ACYP2: variants seen among roughly 807,000 people sequenced by gnomAD.
ACYP2 encodes acylphosphatase 2.
A neutral mutation model predicts 11.2 loss-of-function variants in ACYP2; 12 were observed. The ratio of observed to expected loss-of-function variants is 1.08; its 90% confidence interval spans 0.69 to 1.74. The LOEUF is 1.74. Ranked by LOEUF, ACYP2 falls within the 40% of genes most tolerant of loss-of-function variation. ACYP2 has a pLI of 0.00. For synonymous variants in ACYP2, 43 were observed against 32.2 expected (o/e 1.33, Z -1.13); for missense variants, 134 against 101.9 (o/e 1.31, Z -1.35).
At chr2:54,253,781 C>T (rs1238319018) in intron 6 of ACYP2, 1 of 152,162 alleles carries the variant, frequency 6.6e-6, no homozygotes, top group Non-Finnish European at 1.5e-5. Context: ...CCTTTAAACC[C>T]TCTAGGAATT....
chr2:54,001,671 A>G (rs961940462), intron 2 of ACYP2, among the ~76,000 whole-genome samples: 12 of 152,134 alleles, frequency 7.9e-5, no homozygotes, highest in African/African-American at 2.9e-4. Flanking sequence ...TGGGATTACA[A>G]GAGTGAGCCA....
chr2:54,025,992 C>A (rs1319461838), intron 2 of ACYP2, among the ~76,000 whole-genome samples: 1 of 152,186 alleles, frequency 6.6e-6, no homozygotes, highest in African/African-American at 2.4e-5. Context: ...TGGCAGGCGC[C>A]TGTAGTCCCA....
At chr2:54,089,911 C>A (rs146160116) in intron 4 of ACYP2, among the ~76,000 whole-genome samples, 1 of 151,660 alleles carries the variant, frequency 6.6e-6, no homozygotes, top group Admixed American at 6.6e-5. Context: ...TTTGGGAGGC[C>A]GAGGCAGGCA....
chr2:54,152,333 G>T (rs1002319353), intron 6 of ACYP2, among the ~76,000 whole-genome samples: 3 of 151,564 alleles, frequency 2.0e-5, no homozygotes, highest in Non-Finnish European at 4.4e-5. Flanking sequence ...TATGTTTCCC[G>T]GGCTGGTCTC....
intron 2 of ACYP2, among the ~76,000 whole-genome samples, chr2:54,046,961 T>C (rs1675560569): frequency 6.6e-6 from 1 of 152,164 alleles, no homozygotes; most frequent in Non-Finnish European, 1.5e-5. Context: ...ATCAGTAAAA[T>C]AGGGACCATG....
At chr2:54,033,712 G>A (rs1446289814) in intron 2 of ACYP2, among the ~76,000 whole-genome samples, 1 of 152,260 alleles carries the variant, frequency 6.6e-6, no homozygotes, top group Admixed American at 6.5e-5. Flanking sequence ...TGGCTGTAAT[G>A]TGGAGAACAG....
chr2:54,052,507 G>A (rs1489951910), intron 3 of ACYP2, among the ~76,000 whole-genome samples: 1 of 152,116 alleles, frequency 6.6e-6, no homozygotes, highest in Non-Finnish European at 1.5e-5. Context: ...TTCATCTTCA[G>A]TTGTCTCTGT....
intron 6 of ACYP2, among the ~76,000 whole-genome samples, chr2:54,224,844 T>C (rs1409454696): frequency 6.6e-6 from 1 of 152,188 alleles, no homozygotes; most frequent in African/African-American, 2.4e-5. Context: ...AAGGTTTAGA[T>C]GAAAGAAATA....
chr2:54,035,009 C>CAAAAAAAAAAAAAAAAAAAAAAAAA lies in ACYP2; in HGVS notation c.63-15926_63-15925insAAAAAAAAAAAAAAAAAAAAAAAAA, dbSNP rs550142135. Among the ~76,000 whole-genome samples the CAAAAAAAAAAAAAAAAAAAAAAAAA allele has an allele frequency of 1.3e-3, 59 of 44,778 alleles. 7 individuals carry two copies. Among genetic ancestry groups the CAAAAAAAAAAAAAAAAAAAAAAAAA allele is most frequent in the Non-Finnish European group, 2.2e-3 (41 of 18,948 alleles). 29.4% of individuals were successfully genotyped at this position (44,778 alleles called of 152,430 possible). A position where few individuals can be genotyped will look rare whatever the true frequency, so the allele number is the denominator to read the frequency against. ...CAGGCGACAGTGCGAGACTACATCT[C>CAAAAAAAAAAAAAAAAAAAAAAAAA]AAAAAAAAAAAAAAAAAAAAAAAGC... On this transcript the variant is annotated intron_variant, in intron 2 of 6. Coordinates refer to ENST00000607452, the MANE Select transcript of ACYP2 (RefSeq NM_001320586.2).
intron 2 of ACYP2, among the ~76,000 whole-genome samples, chr2:54,016,560 A>G (rs1026815520): frequency 3.8e-4 from 58 of 152,122 alleles, no homozygotes; most frequent in Non-Finnish European, 3.2e-4. Flanking sequence ...AGAGTTTTAT[A>G]TAAGTGAGTG....
At chr2:54,071,544 C>A (rs1677043874) in intron 4 of ACYP2, among the ~76,000 whole-genome samples, 1 of 151,964 alleles carries the variant, frequency 6.6e-6, no homozygotes, top group East Asian at 1.9e-4. Flanking sequence ...TAGCTCACTG[C>A]AGCCTTGACT....
intron 6 of ACYP2, among the ~76,000 whole-genome samples, chr2:54,174,370 A>C (rs13412332): frequency 6.6e-6 from 1 of 152,106 alleles, no homozygotes; most frequent in Non-Finnish European, 1.5e-5. Context: ...TTGCACATTG[A>C]TTTTGTATCC....
At chr2:54,099,801 A>G (rs1678794448) in intron 4 of ACYP2, among the ~76,000 whole-genome samples, 2 of 152,142 alleles carry the variant, frequency 1.3e-5, no homozygotes, top group African/African-American at 4.8e-5. Context: ...TTATATCCTT[A>G]GGATACGTAT....
At chr2:54,132,226 T>A (rs1680944800) in intron 4 of ACYP2, among the ~76,000 whole-genome samples, 1 of 152,122 alleles carries the variant, frequency 6.6e-6, no homozygotes, top group South Asian at 2.1e-4. Flanking sequence ...CTGTTTTATC[T>A]CTCTCCTACC....
chr2:54,053,179 G>C (rs188918062), intron 3 of ACYP2, among the ~76,000 whole-genome samples: 1 of 152,202 alleles, frequency 6.6e-6, no homozygotes, highest in Non-Finnish European at 1.5e-5. Context: ...GCCTTCTTCA[G>C]CTCTTTTCTT....
Position 54,007,689 on chromosome 2 carries a change from AC to A in ACYP2, c.62+33882del, listed in dbSNP as rs572412909. On this transcript the variant is annotated intron_variant, in intron 2 of 6. Coordinates refer to ENST00000607452, the MANE Select transcript of ACYP2 (RefSeq NM_001320586.2). ...GAGACCATCTGGCCAACATGCGGAA[AC>A]CCTGTCTCTACTAAAAGTATAAAAA... Among the ~76,000 whole-genome samples, 246 of 152,052 alleles carry A rather than the reference AC, an allele frequency of 1.6e-3. 1 individual carries two copies. Among genetic ancestry groups the A allele is most frequent in the Middle Eastern group, 3.4e-3 (1 of 294 alleles).
intron 2 of ACYP2, among the ~76,000 whole-genome samples, chr2:54,007,663 T>A (rs1228499356): frequency 6.6e-6 from 1 of 152,156 alleles, no homozygotes; most frequent in East Asian, 1.9e-4. Context: ...GTCAGTAGTT[T>A]GAGACCATCT....
At chr2:54,044,323 G>A (rs913800851) in intron 2 of ACYP2, among the ~76,000 whole-genome samples, 5 of 152,090 alleles carry the variant, frequency 3.3e-5, no homozygotes, top group East Asian at 1.9e-4. Flanking sequence ...GGCTGAGTGC[G>A]GTGGCTCATG....
At chr2:54,296,907 C>T (rs1689544221) in intron 6 of ACYP2, among the ~76,000 whole-genome samples, 1 of 151,736 alleles carries the variant, frequency 6.6e-6, no homozygotes, top group African/African-American at 2.4e-5. Flanking sequence ...ATAGAAATAC[C>T]TGGAAGATAT....
Sources: gnomAD v4.1 joint callset for allele counts (sites outside exome capture counted in the v4.1 genomes callset) on GRCh38, gnomAD v4.1.1 for gene constraint, MANE v1.5 for transcripts, NCBI Gene and HGNC (gene_info 2026-07-23, HGNC 2026-07-21) for gene names.